GABRG3: variants seen among roughly 807,000 people sequenced by gnomAD.
GABRG3 encodes gamma-aminobutyric acid type A receptor subunit gamma3, also known as gamma-aminobutyric acid receptor subunit gamma-3.
Under a neutral mutation model 48.8 loss-of-function variants are expected in GABRG3, and 25 were observed. The observed-to-expected ratio is 0.51, with a 90% CI of 0.37 to 0.72. The LOEUF (loss-of-function observed/expected upper bound fraction) is 0.72, where lower values mean the gene tolerates loss of function less well. GABRG3 is among the 30% of genes least tolerant of loss of function. The pLI, the probability that GABRG3 is intolerant of heterozygous loss-of-function variation, is 0.00. For missense variants in GABRG3, 394 were observed against 577.9 expected, an observed-to-expected ratio of 0.68 and a Z score of 3.26; for synonymous variants, 227 against 217.6, an observed-to-expected ratio of 1.04 and a Z score of -0.38.
At chr15:27,044,887 A>G (rs1311557468) in intron 3 of GABRG3, among the ~76,000 whole-genome samples, 1 of 152,244 alleles carries the variant, frequency 6.6e-6, no homozygotes, top group Admixed American at 6.5e-5. Context: ...TTACAGAAGC[A>G]TACTCATAAG....
intron 2 of GABRG3, among the ~76,000 whole-genome samples, chr15:27,026,429 CTT>C (rs1220573770): frequency 2.6e-5 from 4 of 152,174 alleles, no homozygotes; most frequent in African/African-American, 9.6e-5. Flanking sequence ...TATCTCCTAT[CTT>C]TGCCATAAAA....
At chr15:27,334,284 A>G (rs1240203857) in intron 5 of GABRG3, among the ~76,000 whole-genome samples, 3 of 152,176 alleles carry the variant, frequency 2.0e-5, no homozygotes, top group African/African-American at 7.2e-5. Context: ...CTCTTCACAC[A>G]CATACACACA....
chr15:27,105,173 C>G (rs1172771908), intron 3 of GABRG3, among the ~76,000 whole-genome samples: 2 of 151,950 alleles, frequency 1.3e-5, no homozygotes, highest in African/African-American at 4.8e-5. Flanking sequence ...AGTAAGAAAA[C>G]TATTAGAGAT....
chr15:27,229,043 T>C (rs1889712720), intron 3 of GABRG3, among the ~76,000 whole-genome samples: 1 of 152,252 alleles, frequency 6.6e-6, no homozygotes, highest in Admixed American at 6.5e-5. Context: ...TATTTCCTTT[T>C]GCCGTGCAGA....
At chr15:27,232,104 G>A (rs984385) in intron 3 of GABRG3, among the ~76,000 whole-genome samples, 1 of 151,912 alleles carries the variant, frequency 6.6e-6, no homozygotes, top group Non-Finnish European at 1.5e-5. Flanking sequence ...GAAAATGATC[G>A]ACAAGAAGCA....
chr15:27,208,546 G>T (rs374633834), intron 3 of GABRG3: 2 of 184,902 alleles, frequency 1.1e-5, no homozygotes, highest in Non-Finnish European at 2.2e-5. Flanking sequence ...TGACCTCATT[G>T]CAGGGCTGGC....
At chr15:27,404,573 A>G (rs1887577071) in intron 5 of GABRG3, among the ~76,000 whole-genome samples, 1 of 152,166 alleles carries the variant, frequency 6.6e-6, no homozygotes, top group Non-Finnish European at 1.5e-5. Context: ...GTTAATGGAC[A>G]TTGTCTGCTC....
intron 5 of GABRG3, chr15:27,418,920 C>A (rs1888024977): frequency 6.6e-6 from 1 of 152,150 alleles, no homozygotes; most frequent in South Asian, 2.1e-4. Flanking sequence ...GTTGCCATGA[C>A]AACTCGGGGC....
Position 27,257,056 on chromosome 15 carries a change from T to G in GABRG3, c.271-69753T>G, listed in dbSNP as rs1486319568. ...CATCAACAATGCACTAGGGTTCCCT[T>G]TTTACCACATCCTTGCCAAGAATTA... On this transcript the variant is annotated intron_variant, in intron 3 of 9. Coordinates refer to ENST00000615808, the MANE Select transcript of GABRG3 (RefSeq NM_033223.5). Among the ~76,000 whole-genome samples the G allele has an allele frequency of 2.6e-5, 4 of 152,328 alleles. No homozygotes were observed. In the East Asian group the frequency reaches 7.7e-4, roughly 29 times the overall value.
intron 2 of GABRG3, among the ~76,000 whole-genome samples, chr15:27,014,337 ATTTCT>A (rs1482448995): frequency 6.9e-6 from 1 of 145,602 alleles, no homozygotes; most frequent in Non-Finnish European, 1.5e-5. Flanking sequence ...CTTCAGCTAC[ATTTCT>A]TTATTTTTTT....
chr15:27,387,981 G>GGAGGGAGGGGAAGGAAAGGAGA (rs1895994379), intron 5 of GABRG3, among the ~76,000 whole-genome samples: 1 of 83,856 alleles, frequency 1.2e-5, no homozygotes. Context: ...AGGAAAGGAA[G>GGAGGGAGGGGAAGGAAAGGAGA]GAGGGAGGGT....
chr15:27,309,201 A>G (rs1175971126), intron 3 of GABRG3, among the ~76,000 whole-genome samples: 3 of 130,624 alleles, frequency 2.3e-5, no homozygotes, highest in Non-Finnish European at 4.8e-5. Flanking sequence ...TAATGTAAAC[A>G]TAGATGTTTG....
At chr15:27,297,567 T>C (rs1892038998) in intron 3 of GABRG3, among the ~76,000 whole-genome samples, 1 of 143,804 alleles carries the variant, frequency 7.0e-6, no homozygotes, top group South Asian at 2.1e-4. Context: ...AATGCAAGTT[T>C]GTAAGCTAGG....
intron 4 of GABRG3, among the ~76,000 whole-genome samples, chr15:27,327,940 G>A (rs372131496): frequency 6.6e-6 from 1 of 152,122 alleles, no homozygotes; most frequent in Admixed American, 6.5e-5. Flanking sequence ...TGAAAGCCAT[G>A]TGCGTACTGA....
At chr15:27,149,041 G>A (rs1487877829) in intron 3 of GABRG3, among the ~76,000 whole-genome samples, 1 of 151,916 alleles carries the variant, frequency 6.6e-6, no homozygotes, top group Non-Finnish European at 1.5e-5. Context: ...TCGTATTTTT[G>A]GAAAGAAGGA....
At chr15:27,445,070 G>A (rs1236582245) in intron 5 of GABRG3, among the ~76,000 whole-genome samples, 1 of 152,052 alleles carries the variant, frequency 6.6e-6, no homozygotes, top group African/African-American at 2.4e-5. Flanking sequence ...ATGAGGTTTT[G>A]CCATGTTGGC....
intron 3 of GABRG3, among the ~76,000 whole-genome samples, chr15:27,116,502 C>G (rs1290068065): frequency 6.6e-6 from 1 of 152,088 alleles, no homozygotes; most frequent in African/African-American, 2.4e-5. Context: ...AGGAAAGATT[C>G]TAGCAAAATA....
intron 3 of GABRG3, among the ~76,000 whole-genome samples, chr15:27,274,978 G>A (rs958653788): frequency 6.6e-6 from 1 of 152,068 alleles, no homozygotes; most frequent in Non-Finnish European, 1.5e-5. Flanking sequence ...AAAGACCAAC[G>A]CCATAGAAAT....
intron 5 of GABRG3, chr15:27,349,987 G>T: frequency 2.8e-6 from 1 of 358,796 alleles, no homozygotes; most frequent in Non-Finnish European, 5.5e-6. Flanking sequence ...TTTCCCATCG[G>T]TACTCACTTC....
Sources: gnomAD v4.1 joint callset for allele counts (sites outside exome capture counted in the v4.1 genomes callset) on GRCh38, gnomAD v4.1.1 for gene constraint, MANE v1.5 for transcripts, NCBI Gene and HGNC (gene_info 2026-07-23, HGNC 2026-07-21) for gene names.